NKAIN2: variants seen among roughly 807,000 people sequenced by gnomAD.
The protein encoded by NKAIN2 is sodium/potassium transporting ATPase interacting 2, also known as sodium/potassium-transporting ATPase subunit beta-1-interacting protein 2.
NKAIN2 carries 14 observed loss-of-function variants against 32.6 expected under a neutral mutation model. That is an observed-to-expected ratio of 0.43 (90% confidence interval 0.28 to 0.67). The LOEUF (loss-of-function observed/expected upper bound fraction) is 0.67, where lower values mean the gene tolerates loss of function less well. Ranked by LOEUF, NKAIN2 falls within the 30% of genes least tolerant of loss-of-function variation. The pLI is 0.17. For missense variants in NKAIN2, 198 were observed against 258.3 expected (o/e 0.77, Z 1.60); for synonymous variants, 80 against 87.2 (o/e 0.92, Z 0.46).
At chr6:123,898,204 T>A (rs1383741157) in intron 1 of NKAIN2, among the ~76,000 whole-genome samples, 1 of 152,208 alleles carries the variant, frequency 6.6e-6, no homozygotes, top group Non-Finnish European at 1.5e-5. Flanking sequence ...TTCACAGCCA[T>A]ATCATCTTGA....
At chr6:124,656,706 C>A (rs1784551146) in intron 3 of NKAIN2, among the ~76,000 whole-genome samples, 1 of 152,024 alleles carries the variant, frequency 6.6e-6, no homozygotes, top group Non-Finnish European at 1.5e-5. Flanking sequence ...CAGCCATCAC[C>A]CCCCTACCCA....
chr6:124,633,324 T>G (rs1314523868), intron 3 of NKAIN2, among the ~76,000 whole-genome samples: 1 of 152,228 alleles, frequency 6.6e-6, no homozygotes, highest in African/African-American at 2.4e-5. Context: ...ATACATAAAT[T>G]TTATTTCTTT....
chr6:124,040,416 C>G (rs1311982639), intron 1 of NKAIN2, among the ~76,000 whole-genome samples: 1 of 151,850 alleles, frequency 6.6e-6, no homozygotes, highest in African/African-American at 2.4e-5. Context: ...ATGTCTGAAG[C>G]TATAAATTTT....
intron 1 of NKAIN2, among the ~76,000 whole-genome samples, chr6:124,233,287 A>G (rs1792558265): frequency 6.6e-6 from 1 of 152,120 alleles, no homozygotes; most frequent in Admixed American, 6.6e-5. Context: ...TTCTTTACAA[A>G]CCATAATTAT....
intron 3 of NKAIN2, among the ~76,000 whole-genome samples, chr6:124,433,858 G>A (rs1439128827): frequency 3.3e-5 from 5 of 152,150 alleles, no homozygotes; most frequent in Non-Finnish European, 1.5e-5. Flanking sequence ...ATGACCACTT[G>A]TAAACCACAA....
At chr6:123,815,713 TCA>T (rs1236476301) in intron 1 of NKAIN2, among the ~76,000 whole-genome samples, 1 of 152,262 alleles carries the variant, frequency 6.6e-6, no homozygotes, top group East Asian at 1.9e-4. Flanking sequence ...CAATTTTGAT[TCA>T]GTTATTTTGA....
intron 4 of NKAIN2, among the ~76,000 whole-genome samples, chr6:124,715,730 T>C (rs951606161): frequency 2.0e-5 from 3 of 152,288 alleles, no homozygotes; most frequent in Admixed American, 1.3e-4. Flanking sequence ...TCCACAAAAC[T>C]GCTACCTGAT....
intron 2 of NKAIN2, among the ~76,000 whole-genome samples, chr6:124,354,924 G>A (rs1798900764): frequency 6.7e-6 from 1 of 149,292 alleles, no homozygotes; most frequent in Admixed American, 6.7e-5. Context: ...ACAAAAACTA[G>A]CTGGGTGTGG....
chr6:124,627,903 CACAT>C (rs1300215887), intron 3 of NKAIN2, among the ~76,000 whole-genome samples: 5 of 152,280 alleles, frequency 3.3e-5, no homozygotes, highest in East Asian at 1.9e-4. Flanking sequence ...TTCACATACT[CACAT>C]ACACTCTCAT....
chr6:124,701,368 T>C (rs1157820518), intron 4 of NKAIN2, among the ~76,000 whole-genome samples: 1 of 152,140 alleles, frequency 6.6e-6, no homozygotes, highest in Non-Finnish European at 1.5e-5. Context: ...CTGCTCAACT[T>C]AAACATCTGT....
chr6:124,409,745 T>C (rs1306937339), intron 3 of NKAIN2, among the ~76,000 whole-genome samples: 2 of 152,218 alleles, frequency 1.3e-5, no homozygotes, highest in African/African-American at 4.8e-5. Context: ...TTTCTATTGA[T>C]TGGAATAGTT....
chr6:123,919,416 A>G (rs1223405767), intron 1 of NKAIN2, among the ~76,000 whole-genome samples: 1 of 152,138 alleles, frequency 6.6e-6, no homozygotes, highest in African/African-American at 2.4e-5. Flanking sequence ...GACAGAAAAG[A>G]AATTTTTATT....
At chr6:124,400,064 A>G (rs1202987282) in intron 3 of NKAIN2, among the ~76,000 whole-genome samples, 1 of 152,106 alleles carries the variant, frequency 6.6e-6, no homozygotes, top group Non-Finnish European at 1.5e-5. Context: ...TTTCTTCCTA[A>G]TTGACTGCAC....
chr6:124,614,569 C>A (rs956815518), intron 3 of NKAIN2, among the ~76,000 whole-genome samples: 1 of 152,044 alleles, frequency 6.6e-6, no homozygotes, highest in African/African-American at 2.4e-5. Context: ...TTATTTTAAT[C>A]CCTTCTCTCT....
chr6:124,354,629 C>T (rs1231867170), intron 2 of NKAIN2, among the ~76,000 whole-genome samples: 2 of 152,068 alleles, frequency 1.3e-5, no homozygotes, highest in African/African-American at 4.8e-5. Context: ...GATCATTGTC[C>T]TACACGGAGA....
chr6:124,160,163 T>C lies in NKAIN2; in HGVS notation c.55-122842T>C, dbSNP rs186158615. 2.0e-3 allele frequency among the ~76,000 whole-genome samples: 302 copies of C among 152,222 alleles called. 2 individuals carry two copies. The highest frequency in any genetic ancestry group is 3.4e-4 in the Non-Finnish European group (23 of 68,010). On this transcript the variant is annotated intron_variant, in intron 1 of 6. Coordinates refer to ENST00000368417, the MANE Select transcript of NKAIN2 (RefSeq NM_001040214.3). ...CTAGTGAGAAATCTGTTCAATTGGG[T>C]GAGGCGATCTACAGTGAAAAAGGGA...
At chr6:123,858,138 G>T (rs1199801827) in intron 1 of NKAIN2, among the ~76,000 whole-genome samples, 1 of 149,606 alleles carries the variant, frequency 6.7e-6, no homozygotes, top group Admixed American at 6.7e-5. Flanking sequence ...TTTTTTGAGA[G>T]GGATACTCGC....
rs373560284 is a variant in NKAIN2 at position 124,345,481 on chromosome 6, G to A, written c.193-9786G>A. Among the ~76,000 whole-genome samples, 107 of 152,130 alleles carry A rather than the reference G, an allele frequency of 7.0e-4. 2 individuals are homozygous for A. The South Asian group carries it at 0.015, about 21-fold the overall frequency. ...TCTGGTCCTGGACTCTTTTTGGTTGGTAAGCTATTGATTATTGCCACAATT... is the reference window on the plus strand; with the variant it reads ...TCTGGTCCTGGACTCTTTTTGGTTGATAAGCTATTGATTATTGCCACAATT... On this transcript the variant is annotated intron_variant, in intron 2 of 6. Transcript: ENST00000368417.
At chr6:124,040,501 C>T (rs1781820049) in intron 1 of NKAIN2, among the ~76,000 whole-genome samples, 1 of 152,024 alleles carries the variant, frequency 6.6e-6, no homozygotes, top group South Asian at 2.1e-4. Flanking sequence ...GTCATAATTA[C>T]CTCAGATATG....
Sources: gnomAD v4.1 joint callset for allele counts (sites outside exome capture counted in the v4.1 genomes callset) on GRCh38, gnomAD v4.1.1 for gene constraint, MANE v1.5 for transcripts, NCBI Gene and HGNC (gene_info 2026-07-23, HGNC 2026-07-21) for gene names.